SYTL3: variants seen among roughly 807,000 people sequenced by gnomAD.
SYTL3 encodes synaptotagmin like 3.
Under a neutral mutation model 82.1 loss-of-function variants are expected in SYTL3, and 88 were observed. The observed-to-expected ratio is 1.07, with a 90% CI of 0.90 to 1.28. The LOEUF (loss-of-function observed/expected upper bound fraction) is 1.28, where lower values mean the gene tolerates loss of function less well. Ranked by LOEUF, SYTL3 falls within the 50% of genes most tolerant of loss-of-function variation. The probability of loss-of-function intolerance (pLI) is 0.00; values close to 1 mark genes in which losing one functional copy is unlikely to be tolerated. For missense variants in SYTL3, 831 were observed against 757.6 expected (o/e 1.10, Z -1.14); for synonymous variants, 311 against 289.4 (o/e 1.07, Z -0.76).
At chr6:158,735,663 T>G (rs1163595868) in intron 11 of SYTL3, among the ~76,000 whole-genome samples, 2 of 152,204 alleles carry the variant, frequency 1.3e-5, no homozygotes, top group Non-Finnish European at 2.9e-5. Flanking sequence ...TTATTAAAAT[T>G]CCACTTATTA....
At chr6:158,733,948 A>G (rs1243018020) in intron 11 of SYTL3, among the ~76,000 whole-genome samples, 4 of 151,720 alleles carry the variant, frequency 2.6e-5, no homozygotes, top group Non-Finnish European at 4.4e-5. Flanking sequence ...ATACAAAAAA[A>G]TTAGCCAGGC....
intron 15 of SYTL3, 90 bp downstream of exon 15, chr6:158,760,835 C>G: frequency 4.8e-6 from 5 of 1,031,106 alleles, no homozygotes; most frequent in South Asian, 2.6e-5. Context: ...TGAAAGTTTT[C>G]TAGCATTTCC....
intron 5 of SYTL3, among the ~76,000 whole-genome samples, chr6:158,666,532 G>T (rs1263256088): frequency 6.6e-6 from 1 of 152,186 alleles, no homozygotes; most frequent in East Asian, 1.9e-4. Context: ...GTCTGCTGGG[G>T]GAGACGGTGC....
At chr6:158,678,150 T>G (rs1778272266) in intron 5 of SYTL3, among the ~76,000 whole-genome samples, 1 of 152,194 alleles carries the variant, frequency 6.6e-6, no homozygotes, top group Non-Finnish European at 1.5e-5. Flanking sequence ...GTGCTGAGAT[T>G]ACAGGCGTGT....
At chr6:158,707,303 C>T (rs752650712) in intron 7 of SYTL3, 22 bp downstream of exon 7, 4 of 1,612,882 alleles carry the variant, frequency 2.5e-6, no homozygotes, top group South Asian at 2.2e-5. Context: ...AAAGGACAGA[C>T]CGTCCCTGGC....
At chr6:158,753,077 C>CTTTTTTT (rs34396644) in intron 13 of SYTL3, among the ~76,000 whole-genome samples, 26 of 99,076 alleles carry the variant, frequency 2.6e-4, no homozygotes, top group Non-Finnish European at 3.1e-4. Context: ...TTCTTCTTTT[C>CTTTTTTT]TTTTTTTTTT....
intron 11 of SYTL3, among the ~76,000 whole-genome samples, chr6:158,735,368 CCTAA>C (rs1250431332): frequency 8.6e-5 from 13 of 152,044 alleles, no homozygotes; most frequent in Admixed American, 8.5e-4. Flanking sequence ...ATTAACTATG[CCTAA>C]CTAAATCATA....
chr6:158,702,187 C>G (rs73593013), intron 6 of SYTL3, among the ~76,000 whole-genome samples: 42,871 of 151,514 alleles, frequency 0.28, 7,348 homozygotes, highest in African/African-American at 0.47. Flanking sequence ...TTAGCTGGGT[C>G]TGGTAACTCA....
At chr6:158,700,832 G>T (rs554214663) in intron 6 of SYTL3, among the ~76,000 whole-genome samples, 1 of 151,912 alleles carries the variant, frequency 6.6e-6, no homozygotes, top group African/African-American at 2.4e-5. Flanking sequence ...TAGCCAGGAT[G>T]GTCTCGATCT....
In SYTL3 at chr6:158,688,900, A is replaced by AATATATTTACAT. The variant is rs1348037026; in HGVS notation, c.394+5913_394+5924dup. On this transcript the variant is annotated intron_variant, in intron 6 of 17. Coordinates refer to ENST00000611299, the MANE Select transcript of SYTL3 (RefSeq NM_001242394.2). ...GAGGCAATTTCACATGAGTCAGGCT[A>AATATATTTACAT]ATATATTTACATAATTGAAATCAAA... Among the ~76,000 whole-genome samples the AATATATTTACAT allele has an allele frequency of 2.6e-5, 4 of 152,226 alleles. No homozygotes were observed. In the East Asian group the frequency reaches 7.7e-4, roughly 29 times the overall value.
rs751422563 is a variant in SYTL3, at chr6:158,745,586, A to G, written c.962A>G (p.His321Arg). 2.5e-6 allele frequency: 4 copies of G among 1,613,836 alleles called. No homozygotes were observed. The South Asian group carries it at 3.3e-5, about 13-fold the overall frequency. The change falls in exon 12 of 18, where the codon CAT becomes CGT. Residue 321 changes from histidine to arginine, a missense_variant. Physicochemically the swap from His to Arg is conservative, Grantham distance 29. Coordinates refer to ENST00000611299, the MANE Select transcript of SYTL3 (RefSeq NM_001242394.2). The stretch of plus-strand genomic sequence containing the variant: ...GCCATTCATTATTGCTTCAAAACCC[A>G]TTCTTTAGAAATATGCATCAAGGCC... ...EFAIHYCFKT[H>R]SLEICIKACK...
chr6:158,687,079 T>G (rs1391563150), intron 6 of SYTL3, among the ~76,000 whole-genome samples: 1 of 152,336 alleles, frequency 6.6e-6, no homozygotes, highest in East Asian at 1.9e-4. Flanking sequence ...ACCACAAAAG[T>G]GTACAGACAG....
chr6:158,671,220 C>A lies in SYTL3; in HGVS notation c.329+5607C>A, dbSNP rs75459103. 3.9e-5 allele frequency among the ~76,000 whole-genome samples: 6 copies of A among 152,224 alleles called. No homozygotes were observed. The South Asian group carries it at 1.2e-3, about 31-fold the overall frequency. On this transcript the variant is annotated intron_variant, in intron 5 of 17. Coordinates refer to ENST00000611299, the MANE Select transcript of SYTL3 (RefSeq NM_001242394.2). ...CTTTGACAATAGTGTGTGTGTCATT[C>A]TTCTTGTTGAAACTGAACTGTATTC...
Position 158,682,907 on chromosome 6 carries a change from T to G in SYTL3, c.330-18T>G. Reference sequence around the variant, plus strand: ...ATATCTTCTCTCTCTGAAGCTTCCTTTCTGCTCATTTTTTCAGGAATGTCA... The same window carrying G: ...ATATCTTCTCTCTCTGAAGCTTCCTGTCTGCTCATTTTTTCAGGAATGTCA... On this transcript the variant is annotated intron_variant, in intron 5 of 17. Transcript: ENST00000611299. 6.2e-7 allele frequency: 1 copy of G among 1,606,414 alleles called. No individual in the cohort carries two copies. Among genetic ancestry groups the G allele is most frequent in the Non-Finnish European group, 8.5e-7 (1 of 1,173,106 alleles).
At chr6:158,718,594 C>T (rs1041633205) in intron 10 of SYTL3, among the ~76,000 whole-genome samples, 2 of 152,342 alleles carry the variant, frequency 1.3e-5, no homozygotes, top group East Asian at 3.9e-4. Flanking sequence ...TAAAATCTAT[C>T]CTGACCTCTG....
chr6:158,750,509 G>A (rs890925896), intron 12 of SYTL3, among the ~76,000 whole-genome samples: 1 of 152,112 alleles, frequency 6.6e-6, no homozygotes, highest in African/African-American at 2.4e-5. Context: ...GGAGTTTTGA[G>A]GGATTTTTTG....
chr6:158,690,593 A>AT (rs1463697363), intron 6 of SYTL3, among the ~76,000 whole-genome samples: 3 of 152,250 alleles, frequency 2.0e-5, no homozygotes, highest in Non-Finnish European at 2.9e-5. Context: ...GTGTTGTGCT[A>AT]TTTTTTCAAC....
chr6:158,664,674 G>GAA (rs1384196121), intron 4 of SYTL3, among the ~76,000 whole-genome samples: 1 of 152,206 alleles, frequency 6.6e-6, no homozygotes, highest in African/African-American at 2.4e-5. Context: ...TAGACATAGT[G>GAA]ATAACAAAGT....
At chr6:158,684,976 T>C (rs922243275) in intron 6 of SYTL3, among the ~76,000 whole-genome samples, 1 of 152,140 alleles carries the variant, frequency 6.6e-6, no homozygotes, top group Non-Finnish European at 1.5e-5. Flanking sequence ...CTACCCCACA[T>C]AGCCTTTTTA....
Sources: allele counts gnomAD v4.1 joint callset (sites outside exome capture counted in the v4.1 genomes callset), GRCh38; gene constraint gnomAD v4.1.1; transcripts MANE v1.5; gene names NCBI Gene and HGNC (gene_info 2026-07-23, HGNC 2026-07-21).